Variants in RYR3 observed in about 807,000 individuals in gnomAD.
RYR3 encodes the protein brain ryanodine receptor-calcium release channel.
In RYR3, 207 loss-of-function variants were observed where a neutral mutation model predicts 584.3. The observed-to-expected ratio is 0.35, with a 90% CI of 0.32 to 0.40. RYR3 has a LOEUF of 0.40. RYR3 is among the 10% of genes least tolerant of loss of function. The pLI is 1.00. For missense variants in RYR3, 5,616 were observed against 6,089.2 expected, an observed-to-expected ratio of 0.92 and a Z score of 2.59; for synonymous variants, 2,416 against 2,248.5, an observed-to-expected ratio of 1.07 and a Z score of -2.11.
intron 38 of RYR3, among the ~76,000 whole-genome samples, chr15:33,672,730 A>C (rs1652280831): frequency 6.6e-6 from 1 of 152,194 alleles, no homozygotes; most frequent in Non-Finnish European, 1.5e-5. Flanking sequence ...TGCGTATCTG[A>C]TTTCTATTAC....
At chr15:33,611,872 T>C (rs1406281093) in intron 18 of RYR3, among the ~76,000 whole-genome samples, 1 of 152,130 alleles carries the variant, frequency 6.6e-6, no homozygotes, top group Non-Finnish European at 1.5e-5. Flanking sequence ...TTGGCCAGGC[T>C]GGTCTCAAAC....
chr15:33,650,153 C>T (rs963977751), intron 31 of RYR3, among the ~76,000 whole-genome samples: 4 of 152,136 alleles, frequency 2.6e-5, no homozygotes, highest in South Asian at 4.1e-4. Context: ...CCAAGGCGGG[C>T]GGATGACGAG....
chr15:33,317,773 T>C (rs925121785), intron 1 of RYR3, among the ~76,000 whole-genome samples: 8 of 152,114 alleles, frequency 5.3e-5, no homozygotes, highest in African/African-American at 1.9e-4. Flanking sequence ...CATGCACTTT[T>C]CCCCTCCTCT....
At chr15:33,463,887 C>A (rs1428155769) in intron 1 of RYR3, among the ~76,000 whole-genome samples, 1 of 152,138 alleles carries the variant, frequency 6.6e-6, no homozygotes, top group Admixed American at 6.5e-5. Context: ...TTTGTCAGTC[C>A]CCATAAGCAA....
At chr15:33,530,347 C>G (rs1450763565) in intron 3 of RYR3, among the ~76,000 whole-genome samples, 2 of 152,286 alleles carry the variant, frequency 1.3e-5, no homozygotes, top group East Asian at 3.9e-4. Context: ...TTCTGCTGAT[C>G]CTGGGCAGAG....
chr15:33,766,143 C>T (rs1417853085), intron 60 of RYR3, among the ~76,000 whole-genome samples: 2 of 151,896 alleles, frequency 1.3e-5, no homozygotes, highest in Admixed American at 6.6e-5. Context: ...AATAGCTGGG[C>T]GTGGTGGCAC....
chr15:33,375,452 G>A (rs1258988063), intron 1 of RYR3, among the ~76,000 whole-genome samples: 1 of 152,118 alleles, frequency 6.6e-6, no homozygotes, highest in African/African-American at 2.4e-5. Context: ...GATCTTTAAA[G>A]CTCCTAAAAG....
intron 30 of RYR3, 106 bp from the exon 31 acceptor site, chr15:33,648,966 A>AG (rs1491418643): frequency 3.0e-5 from 33 of 1,104,130 alleles, no homozygotes; most frequent in African/African-American, 4.6e-5. Flanking sequence ...CAGAAAAAAA[A>AG]GGGGGGGCCA....
chr15:33,853,831 C>T, intron 96 of RYR3, 149 bp downstream of exon 96: 2 of 976,612 alleles, frequency 2.0e-6, no homozygotes, highest in Non-Finnish European at 2.9e-6. Context: ...TGGGAGAGCA[C>T]TGCCTTAAAA....
intron 5 of RYR3, among the ~76,000 whole-genome samples, chr15:33,537,805 G>A (rs1376876638): frequency 6.6e-6 from 1 of 152,094 alleles, no homozygotes; most frequent in Non-Finnish European, 1.5e-5. Flanking sequence ...TTTCAATCTG[G>A]AAATGCTCAT....
chr15:33,432,668 TTGTGTGTGTG>T (rs58292418), intron 1 of RYR3, among the ~76,000 whole-genome samples: 3 of 132,198 alleles, frequency 2.3e-5, no homozygotes, highest in East Asian at 2.1e-4. Flanking sequence ...GCCTAGCTAA[TTGTGTGTGTG>T]TGTGTGTGTG....
intron 100 of RYR3, among the ~76,000 whole-genome samples, chr15:33,860,057 G>A (rs2080169592): frequency 6.6e-6 from 1 of 152,148 alleles, no homozygotes; most frequent in African/African-American, 2.4e-5. Context: ...TCCCAGAGAG[G>A]GAGGTAGGGT....
intron 38 of RYR3, among the ~76,000 whole-genome samples, chr15:33,685,979 A>C (rs1438268316): frequency 1.3e-5 from 2 of 152,236 alleles, no homozygotes; most frequent in East Asian, 3.9e-4. Flanking sequence ...AAATGCCCAC[A>C]AGAGAAAGCA....
intron 1 of RYR3, among the ~76,000 whole-genome samples, chr15:33,431,999 A>G (rs915710730): frequency 2.0e-5 from 3 of 152,126 alleles, no homozygotes; most frequent in Non-Finnish European, 2.9e-5. Context: ...GATAGGAATT[A>G]TTTCTACTAG....
At chr15:33,507,257 G>A (rs1196758177) in intron 3 of RYR3, among the ~76,000 whole-genome samples, 2 of 152,138 alleles carry the variant, frequency 1.3e-5, no homozygotes, top group Non-Finnish European at 2.9e-5. Flanking sequence ...AAAACAAAAT[G>A]CCCTAATTTA....
intron 1 of RYR3, among the ~76,000 whole-genome samples, chr15:33,315,597 G>A (rs1048369121): frequency 1.3e-5 from 2 of 152,198 alleles, no homozygotes; most frequent in Non-Finnish European, 2.9e-5. Context: ...CATCTTCTCA[G>A]TCTCTGCTTC....
intron 53 of RYR3, 135 bp downstream of exon 53, chr15:33,746,292 C>T: frequency 1.4e-6 from 1 of 690,014 alleles, no homozygotes. Context: ...AAACTGTTCA[C>T]AAGCTTGCCA....
At chr15:33,562,536 A>G (rs16972314) in intron 10 of RYR3, among the ~76,000 whole-genome samples, 19,841 of 151,092 alleles carry the variant, frequency 0.13, 1,772 homozygotes, top group African/African-American at 0.25. Flanking sequence ...AGGAAAGTAG[A>G]AAATATAGTG....
At chr15:33,387,453 G>A (rs1444701482) in intron 1 of RYR3, among the ~76,000 whole-genome samples, 1 of 152,090 alleles carries the variant, frequency 6.6e-6, no homozygotes, top group African/African-American at 2.4e-5. Context: ...TAGCAACAGG[G>A]CACAGGGGTT....
Sources: gnomAD v4.1 joint callset for allele counts (sites outside exome capture counted in the v4.1 genomes callset) on GRCh38, gnomAD v4.1.1 for gene constraint, MANE v1.5 for transcripts, NCBI Gene and HGNC (gene_info 2026-07-23, HGNC 2026-07-21) for gene names.